KBTBD11: variants seen among roughly 807,000 people sequenced by gnomAD.
KBTBD11 encodes kelch repeat and BTB domain-containing protein 11.
For synonymous variants in KBTBD11, 747 were observed against 499.0 expected (o/e 1.50, Z -6.63); for missense variants, 1,390 against 1,001.8 (o/e 1.39, Z -5.23).
chr8:1,993,357 C>CT (rs776609040), intron 1 of KBTBD11, among the ~76,000 whole-genome samples: 21,373 of 115,808 alleles, frequency 0.18, 1,693 homozygotes, highest in South Asian at 0.29. Flanking sequence ...GTCCATCCAT[C>CT]GGTCCATCCG....
At chr8:1,994,151 A>T (rs1370462120) in intron 1 of KBTBD11, among the ~76,000 whole-genome samples, 1 of 152,120 alleles carries the variant, frequency 6.6e-6, no homozygotes, top group African/African-American at 2.4e-5. Flanking sequence ...ATTCCCAATA[A>T]TTTTACTTCT....
chr8:2,003,061 G>A lies in KBTBD11; in HGVS notation c.1869G>A (p.Pro623=), dbSNP rs527332661. ...EKPPRGEQGA[P] The stretch of plus-strand genomic sequence containing the variant: ...CGCCCCGAGGGGAGCAGGGCGCCCC[G>A]TAGGCCGGCGGGGTCGGCGGGCGTC... The change falls in exon 2 of 2, where the codon CCG becomes CCA. Residue 623 remains proline, a synonymous_variant. Transcript: ENST00000320248. The A allele has an allele frequency of 1.1e-5, 14 of 1,263,022 alleles. No homozygotes were observed. In the South Asian group the frequency reaches 4.3e-4, roughly 38 times the overall value. The allele number at this position is 1,263,022 out of a possible 1,614,324, so 78.2% of individuals were successfully genotyped here.
chr8:1,979,422 G>C (rs1816462146), intron 1 of KBTBD11, among the ~76,000 whole-genome samples: 1 of 152,176 alleles, frequency 6.6e-6, no homozygotes, highest in Admixed American at 6.5e-5. Flanking sequence ...TTGAGGTCAG[G>C]AGTTTGAGAC....
rs1252487628 is a variant in KBTBD11 at position 2,005,758 on chromosome 8, A to G, written c.*2694A>G. On this transcript the variant is annotated 3_prime_UTR_variant, in exon 2 of 2. Coordinates refer to ENST00000320248, the MANE Select transcript of KBTBD11 (RefSeq NM_014867.3). ...TAACCCGTATGCCGGGGCATTTCCA[A>G]ATGTCTGACTCGTGAAATTAACCCA... The G allele has an allele frequency of 6.0e-6, 1 of 167,102 alleles. No homozygotes were observed. The highest frequency in any genetic ancestry group is 1.9e-4 in the East Asian group (1 of 5,202). 10.4% of individuals were successfully genotyped at this position (167,102 alleles called of 1,614,324 possible).
intron 1 of KBTBD11, among the ~76,000 whole-genome samples, chr8:1,983,566 G>T (rs911096705): frequency 6.6e-6 from 1 of 152,190 alleles, no homozygotes; most frequent in Non-Finnish European, 1.5e-5. Context: ...TTCACTAGTT[G>T]TGCTTGGTGG....
chr8:1,986,196 G>C (rs1473147152), intron 1 of KBTBD11, among the ~76,000 whole-genome samples: 1 of 152,184 alleles, frequency 6.6e-6, no homozygotes, highest in Non-Finnish European at 1.5e-5. Flanking sequence ...ATTTTCCCTG[G>C]ATCTAAAGCA....
chr8:1,985,729 G>C (rs1253594037), intron 1 of KBTBD11, among the ~76,000 whole-genome samples: 1 of 152,218 alleles, frequency 6.6e-6, no homozygotes, highest in Non-Finnish European at 1.5e-5. Context: ...GGAGTCCCAG[G>C]CTGCAGTGAG....
At chr8:1,988,361 G>A (rs201750777) in intron 1 of KBTBD11, among the ~76,000 whole-genome samples, 2 of 152,166 alleles carry the variant, frequency 1.3e-5, no homozygotes, top group African/African-American at 4.8e-5. Flanking sequence ...GTGTAAAAGC[G>A]TTCCTGTTTC....
intron 1 of KBTBD11, among the ~76,000 whole-genome samples, chr8:1,979,715 A>G (rs549222177): frequency 6.6e-6 from 1 of 152,160 alleles, no homozygotes; most frequent in Admixed American, 6.5e-5. Context: ...ACATAAAAGT[A>G]CCTATCATAA....
chr8:1,978,606 G>A (rs962595201), intron 1 of KBTBD11, among the ~76,000 whole-genome samples: 2 of 152,214 alleles, frequency 1.3e-5, no homozygotes, highest in East Asian at 3.9e-4. Context: ...CCTTTCTCAC[G>A]AGGCGGGGAG....
chr8:1,989,292 G>T (rs924932923), intron 1 of KBTBD11, among the ~76,000 whole-genome samples: 6 of 152,184 alleles, frequency 3.9e-5, no homozygotes, highest in African/African-American at 1.4e-4. Context: ...TGAATCAAAG[G>T]CTCTTTTGAA....
Position 1,997,150 on chromosome 8 carries a change from C to T in KBTBD11, c.-908-3135C>T, listed in dbSNP as rs373432108. Among the ~76,000 whole-genome samples, 7 of 152,156 alleles carry T rather than the reference C, an allele frequency of 4.6e-5. No individual in the cohort carries two copies. In the South Asian group the frequency reaches 8.3e-4, roughly 18 times the overall value. On this transcript the variant is annotated intron_variant, in intron 1 of 1. Coordinates refer to ENST00000320248, the MANE Select transcript of KBTBD11 (RefSeq NM_014867.3). ...TCCAAACCCTCCGGCGGGGGGTGGGCGAGTTTCAGTAATTTCACAGTAACA... is the reference window on the plus strand; with the variant it reads ...TCCAAACCCTCCGGCGGGGGGTGGGTGAGTTTCAGTAATTTCACAGTAACA...
intron 1 of KBTBD11, among the ~76,000 whole-genome samples, chr8:1,978,693 G>A (rs1470336023): frequency 1.3e-5 from 2 of 152,228 alleles, no homozygotes; most frequent in South Asian, 2.1e-4. Context: ...AACTGTGAGC[G>A]CAGGGGAATC....
chr8:2,000,064 A>G (rs1427835072), intron 1 of KBTBD11, among the ~76,000 whole-genome samples: 2 of 152,208 alleles, frequency 1.3e-5, no homozygotes, highest in Non-Finnish European at 2.9e-5. Context: ...AGTCCTCAAA[A>G]TCAGGAGAGG....
Position 2,002,796 on chromosome 8 carries a change from G to T in KBTBD11, c.1604G>T (p.Ser535Ile). ...SRYHCLAKQW[S>I]PCVAPLRLPG... Reference sequence around the variant, plus strand: ...TACCACTGCCTGGCCAAGCAGTGGAGCCCGTGCGTCGCGCCCCTGCGCCTC... The same window carrying T: ...TACCACTGCCTGGCCAAGCAGTGGATCCCGTGCGTCGCGCCCCTGCGCCTC... Residue 535 changes from serine (S) to isoleucine (I), a missense_variant, in exon 2 of 2, where the codon AGC becomes ATC. Ser to Ile is a moderately radical substitution (Grantham distance 142). Coordinates refer to ENST00000320248, the MANE Select transcript of KBTBD11 (RefSeq NM_014867.3). This position sits in a 1 kb window ranked among gnomAD's most constrained non-coding sequence, Gnocchi z 4.1. 6.9e-7 allele frequency: 1 copy of T among 1,454,492 alleles called. No individual in the cohort carries two copies. Among genetic ancestry groups the T allele is most frequent in the Non-Finnish European group, 9.0e-7 (1 of 1,111,840 alleles). The allele number at this position is 1,454,492 out of a possible 1,614,324, so 90.1% of individuals were successfully genotyped here.
chr8:1,987,291 G>A (rs1295984655), intron 1 of KBTBD11, among the ~76,000 whole-genome samples: 1 of 152,082 alleles, frequency 6.6e-6, no homozygotes, highest in Admixed American at 6.5e-5. Flanking sequence ...TCAAAATTTT[G>A]TTTATGAAAT....
At chr8:1,975,656 G>A (rs190080284) in intron 1 of KBTBD11, among the ~76,000 whole-genome samples, 1 of 152,314 alleles carries the variant, frequency 6.6e-6, no homozygotes, top group Admixed American at 6.5e-5. Context: ...ATTCGTGACT[G>A]TATTTAAGCC....
In KBTBD11 at chr8:2,001,941, A is replaced by T; in HGVS notation, c.749A>T (p.Glu250Val). 6.8e-7 allele frequency: 1 copy of T among 1,473,350 alleles called. No homozygotes were observed. The highest frequency in any genetic ancestry group is 9.0e-7 in the Non-Finnish European group (1 of 1,109,372). 91.3% of individuals were successfully genotyped at this position (1,473,350 alleles called of 1,614,324 possible). A position where few individuals can be genotyped will look rare whatever the true frequency, so the allele number is the denominator to read the frequency against. ...LSAAKRQRLN[E>V]LRDAAYCFMS... ...GCGGCCAAGCGGCAGCGGCTGAACG[A>T]GCTGCGCGACGCCGCCTACTGCTTC... Residue 250 changes from glutamate to valine, a missense_variant, in exon 2 of 2, where the codon GAG becomes GTG. Physicochemically the swap from Glu to Val is moderately radical, Grantham distance 121. Transcript: ENST00000320248.
chr8:1,997,179 A>T (rs546014231), intron 1 of KBTBD11, among the ~76,000 whole-genome samples: 1 of 152,226 alleles, frequency 6.6e-6, no homozygotes, highest in South Asian at 2.1e-4. Flanking sequence ...AGTAACAAGG[A>T]TGGACGCTCC....
Sources: allele counts gnomAD v4.1 joint callset (sites outside exome capture counted in the v4.1 genomes callset), GRCh38; gene constraint gnomAD v4.1.1; non-coding constraint Gnocchi (gnomAD v3.1); transcripts MANE v1.5; gene names NCBI Gene and HGNC (gene_info 2026-07-23, HGNC 2026-07-21).